Variants in PCDH11X observed in about 807,000 individuals in gnomAD.
The protein encoded by PCDH11X is protocadherin-11 X-linked.
PCDH11X carries 18 observed loss-of-function variants against 53.3 expected under a neutral mutation model. The observed-to-expected ratio is 0.34, with a 90% CI of 0.23 to 0.50. The LOEUF (loss-of-function observed/expected upper bound fraction) is 0.50, where lower values mean the gene tolerates loss of function less well. PCDH11X is among the 20% of genes least tolerant of loss of function. PCDH11X has a pLI of 0.98. For missense variants in PCDH11X, 570 were observed against 1,032.4 expected, an observed-to-expected ratio of 0.55 and a Z score of 6.14; for synonymous variants, 279 against 393.3, an observed-to-expected ratio of 0.71 and a Z score of 3.44.
intron 6 of PCDH11X, among the ~76,000 whole-genome samples, chrX:91,895,630 T>C (rs1199981736): frequency 9.1e-6 from 1 of 109,644 alleles, no homozygotes; most frequent in Non-Finnish European, 1.9e-5. Flanking sequence ...CAAATAATTT[T>C]ATATATTCTA....
chrX:92,423,968 G>A lies in PCDH11X; in HGVS notation c.3343+36035G>A, dbSNP rs187668192. Among the ~76,000 whole-genome samples, 78 of 91,002 alleles carry A rather than the reference G, an allele frequency of 8.6e-4. 8 individuals carry two copies. The East Asian group carries it at 0.025, about 29-fold the overall frequency. The allele number at this position is 91,002 out of a possible 115,157, so 79.0% of individuals were successfully genotyped here. A position where few individuals can be genotyped will look rare whatever the true frequency, so the allele number is the denominator to read the frequency against. ...GCTTAGACTTGCTTTGGCTATGCGG[G>A]CTCTTTTTTGGTTTCATGTATGAAC... is the stretch of plus-strand genomic sequence containing the variant. On this transcript the variant is annotated intron_variant, in intron 9 of 10. Coordinates refer to ENST00000682573, the MANE Select transcript of PCDH11X (RefSeq NM_032968.5).
rs143361731 is a variant in PCDH11X, at chrX:92,328,479, A to G, written c.3145-59256A>G. Among the ~76,000 whole-genome samples, 313 of 111,082 alleles carry G rather than the reference A, an allele frequency of 2.8e-3. 1 individual carries two copies. The highest frequency in any genetic ancestry group is 9.8e-3 in the African/African-American group (300 of 30,632). ...CGTGAATCAATGAAATCAAAAGCCA[A>G]AAAACAATGGAGAAAATTAGTGAAA... On this transcript the variant is annotated intron_variant, in intron 8 of 10. Transcript: ENST00000682573.
intron 9 of PCDH11X, among the ~76,000 whole-genome samples, chrX:92,453,211 A>G (rs1273309005): frequency 9.4e-6 from 1 of 106,922 alleles, no homozygotes; most frequent in Non-Finnish European, 1.9e-5. Flanking sequence ...AATGCAAACT[A>G]GTGAAGTGGC....
At chrX:92,309,814 T>A (rs916391259) in intron 8 of PCDH11X, among the ~76,000 whole-genome samples, 2 of 111,244 alleles carry the variant, frequency 1.8e-5, no homozygotes, top group African/African-American at 3.3e-5. Context: ...CGGAGACATT[T>A]CCCCCAAGCC....
At chrX:92,470,697 T>C in intron 10 of PCDH11X, among the ~76,000 whole-genome samples, 1 of 111,860 alleles carries the variant, frequency 8.9e-6, no homozygotes, top group Middle Eastern at 4.7e-3. Context: ...TCAGCATCAA[T>C]TGAAATAATC....
intron 8 of PCDH11X, among the ~76,000 whole-genome samples, chrX:92,285,883 C>A (rs2068358441): frequency 9.0e-6 from 1 of 111,461 alleles, no homozygotes; most frequent in Admixed American, 9.6e-5. Context: ...AGCATTGTTT[C>A]TATAGATTAT....
intron 9 of PCDH11X, among the ~76,000 whole-genome samples, chrX:92,463,144 C>G (rs2073088369): frequency 9.2e-6 from 1 of 108,961 alleles, no homozygotes; most frequent in African/African-American, 3.4e-5. Context: ...ATATTTTTAG[C>G]AAAAAGGAAC....
chrX:91,921,744 A>G (rs1447441480), intron 6 of PCDH11X, among the ~76,000 whole-genome samples: 2 of 107,204 alleles, frequency 1.9e-5, no homozygotes, highest in Admixed American at 2.0e-4. Context: ...AAATTTTGGC[A>G]TTTATGAATA....
At chrX:92,499,856 A>T (rs1293208454) in intron 10 of PCDH11X, among the ~76,000 whole-genome samples, 1 of 106,791 alleles carries the variant, frequency 9.4e-6, no homozygotes, top group African/African-American at 3.4e-5. Flanking sequence ...AATGAATGAA[A>T]GAAAGAAAGA....
At chrX:92,261,328 C>G (rs2067710733) in intron 7 of PCDH11X, among the ~76,000 whole-genome samples, 1 of 111,181 alleles carries the variant, frequency 9.0e-6, no homozygotes, top group Admixed American at 9.6e-5. Flanking sequence ...AAAAGTAGCA[C>G]AGCATAAACA....
chrX:92,522,500 G>A (rs1045605230), intron 10 of PCDH11X, among the ~76,000 whole-genome samples: 2 of 110,832 alleles, frequency 1.8e-5, no homozygotes, highest in African/African-American at 6.6e-5. Flanking sequence ...TATTGTGAGA[G>A]TTACCAAAAT....
chrX:92,135,408 A>C (rs1161951610), intron 6 of PCDH11X, among the ~76,000 whole-genome samples: 1 of 110,754 alleles, frequency 9.0e-6, no homozygotes, highest in Non-Finnish European at 1.9e-5. Flanking sequence ...TAATTTCTTC[A>C]AGTATAGTAA....
intron 10 of PCDH11X, among the ~76,000 whole-genome samples, chrX:92,491,215 G>A (rs766185534): frequency 1.8e-5 from 2 of 110,817 alleles, no homozygotes; most frequent in East Asian, 5.7e-4. Flanking sequence ...AGGGAAAGAG[G>A]AGGAGAAAGA....
At chrX:92,106,816 C>G (rs1427278743) in intron 6 of PCDH11X, among the ~76,000 whole-genome samples, 2 of 111,840 alleles carry the variant, frequency 1.8e-5, no homozygotes, top group Admixed American at 9.5e-5. Flanking sequence ...AAATGGACCC[C>G]TCCTCTTGGC....
intron 7 of PCDH11X, among the ~76,000 whole-genome samples, chrX:92,231,555 C>T (rs1173900848): frequency 1.8e-5 from 2 of 111,853 alleles, no homozygotes; most frequent in Non-Finnish European, 3.8e-5. Flanking sequence ...GCAAAGGAAA[C>T]AAAGTACTAG....
chrX:92,339,874 C>T (rs894143756), intron 8 of PCDH11X, among the ~76,000 whole-genome samples: 2 of 109,691 alleles, frequency 1.8e-5, no homozygotes, highest in African/African-American at 6.6e-5. Context: ...TCAATCATTC[C>T]TTCTCTATAG....
intron 10 of PCDH11X, among the ~76,000 whole-genome samples, chrX:92,471,697 A>G (rs1056368542): frequency 2.8e-5 from 3 of 106,540 alleles, no homozygotes; most frequent in African/African-American, 1.0e-4. Context: ...ACTGTCTTCC[A>G]CAGTGGCTGA....
At chrX:91,841,479 C>T (rs922126136) in intron 5 of PCDH11X, among the ~76,000 whole-genome samples, 2 of 111,331 alleles carry the variant, frequency 1.8e-5, no homozygotes, top group Admixed American at 1.9e-4. Context: ...ATAAGAAGCA[C>T]CACTAAATTT....
At chrX:92,172,652 T>A (rs1167781654) in intron 6 of PCDH11X, among the ~76,000 whole-genome samples, 1 of 111,777 alleles carries the variant, frequency 8.9e-6, no homozygotes, top group Non-Finnish European at 1.9e-5. Flanking sequence ...AGAAACCTTA[T>A]GAGCAAAATG....
Sources: gnomAD v4.1 joint callset for allele counts (sites outside exome capture counted in the v4.1 genomes callset) on GRCh38, gnomAD v4.1.1 for gene constraint, MANE v1.5 for transcripts, NCBI Gene and HGNC (gene_info 2026-07-23, HGNC 2026-07-21) for gene names.